The following PANK2 variants were observed in gnomAD, a reference collection of about 807,000 sequenced individuals.
The protein encoded by PANK2 is pantothenate kinase 2, also known as pantothenate kinase 2, mitochondrial.
A neutral mutation model predicts 43.1 loss-of-function variants in PANK2; 36 were observed. The ratio of observed to expected loss-of-function variants is 0.84; its 90% CI spans 0.64 to 1.10. The LOEUF (loss-of-function observed/expected upper bound fraction) is 1.10, where lower values mean the gene tolerates loss of function less well. PANK2 is among the 50% of genes least tolerant of loss of function. The pLI, the probability that PANK2 is intolerant of heterozygous loss-of-function variation, is 0.00. For synonymous variants in PANK2, 281 were observed against 238.2 expected (o/e 1.18, Z -1.66); for missense variants, 576 against 593.3 (o/e 0.97, Z 0.30).
At chr20:3,922,984 C>T (rs1000369982) in intron 6 of PANK2, among the ~76,000 whole-genome samples, 3 of 152,176 alleles carry the variant, frequency 2.0e-5, no homozygotes, top group African/African-American at 7.2e-5. Flanking sequence ...TAGCTCCTGT[C>T]GCCCTCACTG....
At chr20:3,907,689 G>A (rs1327217096) in intron 1 of PANK2, among the ~76,000 whole-genome samples, 2 of 152,128 alleles carry the variant, frequency 1.3e-5, no homozygotes, top group East Asian at 3.8e-4. Context: ...TTGTCTGACA[G>A]AATGGTTGGG....
chr20:3,900,969 G>A (rs186927582), intron 1 of PANK2, among the ~76,000 whole-genome samples: 2 of 151,602 alleles, frequency 1.3e-5, no homozygotes, highest in Non-Finnish European at 2.9e-5. Flanking sequence ...GGGGTTTCAC[G>A]ATGTTGGCCA....
At chr20:3,888,791 G>A (rs2090056416), upstream of PANK2, 3 of 370,324 alleles carry the variant, frequency 8.1e-6, no homozygotes, top group Admixed American at 8.3e-5. Context: ...ATTCCTTCTG[G>A]TACCTCTCTC....
chr20:3,920,086 CTGACT>C (rs1159908313), intron 6 of PANK2, among the ~76,000 whole-genome samples: 1 of 151,952 alleles, frequency 6.6e-6, no homozygotes, highest in Non-Finnish European at 1.5e-5. Context: ...TTTTTGTGAT[CTGACT>C]TATTTTATTT....
intron 1 of PANK2, among the ~76,000 whole-genome samples, chr20:3,904,719 CTA>C (rs931230540): frequency 6.6e-6 from 1 of 152,048 alleles, no homozygotes; most frequent in Non-Finnish European, 1.5e-5. Flanking sequence ...TGATTTTTCT[CTA>C]TGGTAGCTTT....
At position 3,915,295 on chromosome 20, in the gene PANK2, ATTTTTTTC is replaced by A. The variant is rs773971765; in HGVS notation, c.1083-1617_1083-1610del. Among the ~76,000 whole-genome samples the A allele has an allele frequency of 6.9e-3, 1,042 of 151,122 alleles. 12 individuals carry two copies. The highest frequency in any genetic ancestry group is 0.055 in the Middle Eastern group (16 of 292). On this transcript the variant is annotated intron_variant, in intron 4 of 6. Transcript: ENST00000610179. ...CATATATATATATGTGTGTGTGTGT[ATTTTTTTC>A]TTTTTTTCTTTTTTGAGATGGAGTC...
chr20:3,920,830 A>G (rs1187010653), intron 6 of PANK2, among the ~76,000 whole-genome samples: 2 of 152,224 alleles, frequency 1.3e-5, no homozygotes, highest in Non-Finnish European at 2.9e-5. Context: ...GGGCAACAAG[A>G]GCGAAACTCC....
In PANK2 at chr20:3,923,367, A is replaced by G; in HGVS notation, c.*73A>G. The G allele has an allele frequency of 6.8e-7, 1 of 1,477,664 alleles. No individual in the cohort carries two copies. 91.5% of individuals were successfully genotyped at this position (1,477,664 alleles called of 1,614,324 possible). On this transcript the variant is annotated 3_prime_UTR_variant, in exon 7 of 7. Coordinates refer to ENST00000610179, the MANE Select transcript of PANK2 (RefSeq NM_001386393.1). ...GGACTTTCATTTTTTTAAGAGACTT[A>G]CTCAATTTCATGACTGTACTACCTG...
At chr20:3,917,946 T>G (rs2090588401) in intron 5 of PANK2, among the ~76,000 whole-genome samples, 1 of 152,040 alleles carries the variant, frequency 6.6e-6, no homozygotes, top group African/African-American at 2.4e-5. Flanking sequence ...TTTGATCAAG[T>G]TCTTTTATAT....
intron 1 of PANK2, among the ~76,000 whole-genome samples, chr20:3,905,447 T>A (rs4813650): frequency 6.7e-6 from 1 of 150,158 alleles, no homozygotes; most frequent in African/African-American, 2.5e-5. Flanking sequence ...CCCGGGTTCA[T>A]GCCATTCTCC....
Position 3,889,727 on chromosome 20 carries a change from G to A in PANK2, c.297G>A (p.Pro99=), listed in dbSNP as rs767309076. 1.3e-6 allele frequency: 2 copies of A among 1,595,518 alleles called. No homozygotes were observed. Among genetic ancestry groups the A allele is most frequent in the Non-Finnish European group, 1.7e-6 (2 of 1,179,038 alleles). The change falls in exon 1 of 7, where the codon CCG becomes CCA. Residue 99 remains proline (P), a splice_region_variant and synonymous_variant. Transcript: ENST00000610179. ...TCGAAAGCCTGAGGAAAAAGCGGCC[G>A]CGTAAGTGTTCCGTGGGGCGCCCTC...
At chr20:3,889,817 C>A in intron 1 of PANK2, 89 bp downstream of exon 1, 1 of 1,539,762 alleles carries the variant, frequency 6.5e-7, no homozygotes. Context: ...CCGTTTTTCC[C>A]GCGCGCGGAC....
In PANK2 at chr20:3,897,965, C is replaced by T. The variant is rs757337865; in HGVS notation, c.298+8237C>T. 9.2e-5 allele frequency among the ~76,000 whole-genome samples: 14 copies of T among 152,088 alleles called. No individual in the cohort carries two copies. The East Asian group carries it at 2.1e-3, about 23-fold the overall frequency. On this transcript the variant is annotated intron_variant, in intron 1 of 6. Transcript: ENST00000610179. ...GAGGTTGCAGTGAGCTGAGGTCTGTCGCTGCACTCCATCTGAGCAACAGAG... is the reference window on the plus strand; with the variant it reads ...GAGGTTGCAGTGAGCTGAGGTCTGTTGCTGCACTCCATCTGAGCAACAGAG...
chr20:3,909,190 C>T (rs370761954), intron 2 of PANK2, among the ~76,000 whole-genome samples: 1 of 152,216 alleles, frequency 6.6e-6, no homozygotes, highest in African/African-American at 2.4e-5. Flanking sequence ...AAGCGATTCT[C>T]CTGCTTCAGC....
chr20:3,913,366 G>A (rs550561287), intron 4 of PANK2, among the ~76,000 whole-genome samples: 3 of 151,792 alleles, frequency 2.0e-5, no homozygotes, highest in South Asian at 2.1e-4. Flanking sequence ...TTTCTGAGAC[G>A]GCGTTTTACT....
upstream of PANK2, chr20:3,888,983 G>A: frequency 2.5e-5 from 20 of 784,534 alleles, no homozygotes; most frequent in Admixed American, 1.2e-4. Context: ...GCTGGAGGAG[G>A]GCTCGAGCTG....
In PANK2 at chr20:3,928,880, T is replaced by C. The variant is rs2090773623; in HGVS notation, c.*5586T>C. The C allele has an allele frequency of 6.6e-6, 1 of 150,622 alleles. No homozygotes were observed. The highest frequency in any genetic ancestry group is 1.5e-5 in the Non-Finnish European group (1 of 67,704). The allele number at this position is 150,622 out of a possible 1,614,324, so 9.3% of individuals were successfully genotyped here. On this transcript the variant is annotated 3_prime_UTR_variant, in exon 7 of 7. Transcript: ENST00000610179. ...TTGTGTGTTTTTTTGAGACGGAGTC[T>C]CGCTCTGTTGCCCAGGCTGGAGTGC...
Position 3,910,716 on chromosome 20 carries a change from A to G in PANK2, c.791A>G (p.Lys264Arg). 2 of 1,614,188 alleles carry G rather than the reference A, an allele frequency of 1.2e-6. No homozygotes were observed. Among genetic ancestry groups the G allele is most frequent in the Non-Finnish European group, 1.7e-6 (2 of 1,180,034 alleles). The stretch of plus-strand genomic sequence containing the variant: ...CCTGCTGATTCTGAAAAGTGTCAGA[A>G]GTTACCATTTGATTTGAAAAATCCG... The change falls in exon 3 of 7, where the codon AAG becomes AGG. Residue 264 changes from lysine (K) to arginine (R), a missense_variant. Lys to Arg is a conservative substitution (Grantham distance 26). Coordinates refer to ENST00000610179, the MANE Select transcript of PANK2 (RefSeq NM_001386393.1).
intron 4 of PANK2, among the ~76,000 whole-genome samples, chr20:3,916,117 T>C (rs952064126): frequency 2.0e-5 from 3 of 152,246 alleles, no homozygotes; most frequent in African/African-American, 7.2e-5. Flanking sequence ...GATCTTTGCT[T>C]TCTTTCAGCA....
Sources: gnomAD v4.1 joint callset for allele counts (sites outside exome capture counted in the v4.1 genomes callset) on GRCh38, gnomAD v4.1.1 for gene constraint, MANE v1.5 for transcripts, NCBI Gene and HGNC (gene_info 2026-07-23, HGNC 2026-07-21) for gene names.